The following HIPK2 variants were observed in gnomAD, a reference collection of about 807,000 sequenced individuals.
HIPK2 encodes homeodomain interacting protein kinase 2, also known as homeodomain-interacting protein kinase 2.
In HIPK2, 27 loss-of-function variants were observed where a neutral mutation model predicts 113.7. The ratio of observed to expected loss-of-function variants is 0.24; its 90% CI spans 0.17 to 0.33. The LOEUF is 0.33. Among genes scored for constraint, HIPK2 ranks in the 10% least tolerant of loss-of-function variants. HIPK2 has a pLI of 1.00. For missense variants in HIPK2, 1,257 were observed against 1,588.0 expected, an observed-to-expected ratio of 0.79 and a Z score of 3.54; for synonymous variants, 631 against 642.2, an observed-to-expected ratio of 0.98 and a Z score of 0.26.
Position 139,596,825 on chromosome 7 carries a change from C to T in HIPK2, c.2609G>A (p.Arg870Gln), listed in dbSNP as rs761773680. The T allele has an allele frequency of 7.4e-6, 12 of 1,613,864 alleles. No homozygotes were observed. The highest frequency in any genetic ancestry group is 1.6e-4 in the Middle Eastern group (1 of 6,080). The change falls in exon 12 of 15, where the codon CGG becomes CAG. Residue 870 changes from arginine (R) to glutamine (Q), a missense_variant. This residue lies in a region of HIPK2 where 862 missense variants were observed against 1,004.3 expected (regional missense o/e 0.86). Transcript: ENST00000406875. ...GGGAATGACAATTGTCTGCCGCTGCCGTTCCCGGGTGGTGCTGGAGGCCAC... is the reference window on the plus strand; with the variant it reads ...GGGAATGACAATTGTCTGCCGCTGCTGTTCCCGGGTGGTGCTGGAGGCCAC... ...GDVASSTTRE[R>Q]QRQTIVIPDT...
intron 1 of HIPK2, among the ~76,000 whole-genome samples, chr7:139,732,399 G>T (rs1260687401): frequency 6.6e-6 from 1 of 152,238 alleles, no homozygotes; most frequent in Middle Eastern, 3.2e-3. Context: ...TACACCCAGT[G>T]CTGGGAGGAG....
chr7:139,614,241 C>A, intron 8 of HIPK2, 45 bp downstream of exon 8: 1 of 1,354,424 alleles, frequency 7.4e-7, no homozygotes, highest in Non-Finnish European at 9.6e-7. Context: ...CCCCAGAGGC[C>A]GTTCTGTAAG....
At chr7:139,673,314 C>G (rs1490964675) in intron 2 of HIPK2, among the ~76,000 whole-genome samples, 2 of 152,130 alleles carry the variant, frequency 1.3e-5, no homozygotes, top group Admixed American at 6.5e-5. Context: ...TAGGGGCAGG[C>G]TTCTGACCTT....
At chr7:139,653,802 G>A (rs1801554292) in intron 2 of HIPK2, among the ~76,000 whole-genome samples, 1 of 151,442 alleles carries the variant, frequency 6.6e-6, no homozygotes. Flanking sequence ...GCATGATCTC[G>A]GCTCACTGCA....
intron 1 of HIPK2, among the ~76,000 whole-genome samples, chr7:139,776,315 GT>G (rs1796745493): frequency 6.6e-6 from 1 of 152,048 alleles, no homozygotes. Flanking sequence ...CAGTCTATAG[GT>G]TATTTACAGC....
At chr7:139,583,144 C>G (rs570729407) in intron 13 of HIPK2, among the ~76,000 whole-genome samples, 1 of 152,268 alleles carries the variant, frequency 6.6e-6, no homozygotes, top group South Asian at 2.1e-4. Context: ...TCCCCACATT[C>G]TTCCACTGTG....
At position 139,584,882 on chromosome 7, in the gene HIPK2, T is replaced by C. The variant is rs74634773; in HGVS notation, c.2718-818A>G. ...CTCTGAAGCCCTGGCCTTCATCTTATATGTGGAACTTCATACAATAGGGAG... is the reference window on the plus strand; with the variant it reads ...CTCTGAAGCCCTGGCCTTCATCTTACATGTGGAACTTCATACAATAGGGAG... On this transcript the variant is annotated intron_variant, in intron 12 of 14. Coordinates refer to ENST00000406875, the MANE Select transcript of HIPK2 (RefSeq NM_022740.5). Among the ~76,000 whole-genome samples the C allele has an allele frequency of 4.9e-3, 748 of 152,310 alleles. 6 individuals carry two copies. The highest frequency in any genetic ancestry group is 0.017 in the African/African-American group (700 of 41,566).
chr7:139,565,965 GAAGAA>G lies in HIPK2; in HGVS notation c.*6957_*6961del, dbSNP rs1798079793. The G allele has an allele frequency of 6.6e-6, 1 of 152,054 alleles. No individual in the cohort carries two copies. Among genetic ancestry groups the G allele is most frequent in the Admixed American group, 6.6e-5 (1 of 15,258 alleles). The allele number at this position is 152,054 out of a possible 1,614,324, so 9.4% of individuals were successfully genotyped here. On this transcript the variant is annotated 3_prime_UTR_variant, in exon 15 of 15. Coordinates refer to ENST00000406875, the MANE Select transcript of HIPK2 (RefSeq NM_022740.5). ...AAGCAAGAAAAACTTATTTTTTAAAGAAGAAAAGAATACTTTTTCACTCTTACTTA... is the reference window on the plus strand; with the variant it reads ...AAGCAAGAAAAACTTATTTTTTAAAGAAGAATACTTTTTCACTCTTACTTA...
intron 1 of HIPK2, among the ~76,000 whole-genome samples, chr7:139,772,706 G>A (rs1227899272): frequency 6.6e-6 from 1 of 151,024 alleles, no homozygotes; most frequent in South Asian, 2.1e-4. Flanking sequence ...TCCTGCCTCA[G>A]CCTCCCAAGT....
chr7:139,709,567 C>T (rs1795002960), intron 2 of HIPK2, among the ~76,000 whole-genome samples: 1 of 152,142 alleles, frequency 6.6e-6, no homozygotes, highest in South Asian at 2.1e-4. Context: ...AAGGTCAACC[C>T]ACAGGAGAGA....
chr7:139,574,373 C>T (rs1199326719), intron 14 of HIPK2, among the ~76,000 whole-genome samples: 1 of 151,432 alleles, frequency 6.6e-6, no homozygotes, highest in Non-Finnish European at 1.5e-5. Context: ...AAGACCCTGT[C>T]TTAAAAAAAA....
At chr7:139,761,993 CT>C (rs1796473349) in intron 1 of HIPK2, among the ~76,000 whole-genome samples, 1 of 151,960 alleles carries the variant, frequency 6.6e-6, no homozygotes, top group Non-Finnish European at 1.5e-5. Flanking sequence ...TTTTGCTTGC[CT>C]TTATTTTCTA....
At chr7:139,578,154 C>T (rs1406814271) in intron 13 of HIPK2, among the ~76,000 whole-genome samples, 4 of 152,080 alleles carry the variant, frequency 2.6e-5, no homozygotes, top group African/African-American at 9.7e-5. Flanking sequence ...GGACTACAGG[C>T]GCCCACTGCC....
intron 14 of HIPK2, 68 bp from the exon 15 acceptor site, chr7:139,573,465 G>C: frequency 7.2e-7 from 1 of 1,396,916 alleles, no homozygotes; most frequent in South Asian, 1.2e-5. Flanking sequence ...TGGGAGGAGG[G>C]GCAGGAGGGC....
intron 2 of HIPK2, among the ~76,000 whole-genome samples, chr7:139,674,038 C>T (rs1304524367): frequency 6.6e-6 from 1 of 151,302 alleles, no homozygotes; most frequent in African/African-American, 2.4e-5. Context: ...TGCACTTCAG[C>T]CCGGATGACA....
At position 139,566,986 on chromosome 7, in the gene HIPK2, T is replaced by C. The variant is rs974276637; in HGVS notation, c.*5941A>G. On this transcript the variant is annotated 3_prime_UTR_variant, in exon 15 of 15. Coordinates refer to ENST00000406875, the MANE Select transcript of HIPK2 (RefSeq NM_022740.5). The surrounding 1 kb of genome is among the most constrained non-coding windows in gnomAD (Gnocchi z 4.1). ...GGGAAGAACGGCCTGGAGTTCTTTTTTGAACTTTTCAGAAGCTGCAACAAG... is the reference window on the plus strand; with the variant it reads ...GGGAAGAACGGCCTGGAGTTCTTTTCTGAACTTTTCAGAAGCTGCAACAAG... 4 of 152,204 alleles carry C rather than the reference T, an allele frequency of 2.6e-5. No individual in the cohort carries two copies. The highest frequency in any genetic ancestry group is 5.9e-5 in the Non-Finnish European group (4 of 68,048). 9.4% of individuals were successfully genotyped at this position (152,204 alleles called of 1,614,324 possible).
At chr7:139,755,714 T>TC (rs1796351393) in intron 1 of HIPK2, among the ~76,000 whole-genome samples, 1 of 152,214 alleles carries the variant, frequency 6.6e-6, no homozygotes, top group South Asian at 2.1e-4. Context: ...CACAAGGCAC[T>TC]CATCTGGAAT....
At chr7:139,638,100 C>G (rs374681154) in intron 2 of HIPK2, among the ~76,000 whole-genome samples, 1 of 152,150 alleles carries the variant, frequency 6.6e-6, no homozygotes, top group African/African-American at 2.4e-5. Context: ...ATTGTCATTA[C>G]GCCCTCTAGA....
chr7:139,716,338 G>T lies in HIPK2; in HGVS notation c.697C>A (p.His233Asn). Residue 233 changes from histidine to asparagine, a missense_variant, in exon 2 of 15, where the codon CAC becomes AAC. Around this residue, in one of 5 missense-constraint regions of HIPK2, gnomAD observed 78 missense variants for 145.7 expected, o/e 0.54. Transcript: ENST00000406875. This position sits in a 1 kb window ranked among gnomAD's most constrained non-coding sequence, Gnocchi z 9.3. ...EIVAIKILKN[H>N]PSYARQGQIE... ...TGACCTTGTCGGGCATAGGATGGGT[G>T]GTTCTTCAGGATCTTGATGGCTACG... 1 of 1,614,196 alleles carries T rather than the reference G, an allele frequency of 6.2e-7. No homozygotes were observed. The highest frequency in any genetic ancestry group is 8.5e-7 in the Non-Finnish European group (1 of 1,180,034).
Sources: gnomAD v4.1 joint callset for allele counts (sites outside exome capture counted in the v4.1 genomes callset) on GRCh38, gnomAD v4.1.1 for gene constraint, gnomAD v4.1.1 regional missense constraint, Gnocchi (gnomAD v3.1) non-coding constraint, MANE v1.5 for transcripts, NCBI Gene and HGNC (gene_info 2026-07-23, HGNC 2026-07-21) for gene names.